Variants in PHLDB2 observed in about 807,000 individuals in gnomAD.
The protein encoded by PHLDB2 is pleckstrin homology like domain family B member 2.
Under a neutral mutation model 123.6 loss-of-function variants are expected in PHLDB2, and 71 were observed. The ratio of observed to expected loss-of-function variants is 0.57; its 90% CI spans 0.47 to 0.70. PHLDB2 has a LOEUF of 0.70. Among genes scored for constraint, PHLDB2 ranks in the 30% least tolerant of loss-of-function variants. The pLI, the probability that PHLDB2 is intolerant of heterozygous loss-of-function variation, is 0.00. For missense variants in PHLDB2, 1,446 were observed against 1,519.5 expected (o/e 0.95, Z 0.80); for synonymous variants, 547 against 541.6 (o/e 1.01, Z -0.14).
chr3:111,831,556 C>T (rs1327355494), intron 1 of PHLDB2, among the ~76,000 whole-genome samples: 2 of 151,988 alleles, frequency 1.3e-5, no homozygotes, highest in Non-Finnish European at 2.9e-5. Context: ...ACTATAATAC[C>T]CCATGTGGGA....
chr3:111,964,282 T>A (rs1403293654), intron 13 of PHLDB2, among the ~76,000 whole-genome samples: 2 of 133,026 alleles, frequency 1.5e-5, no homozygotes, highest in African/African-American at 6.2e-5. Context: ...CAAATGTGTC[T>A]CACCACACAC....
At chr3:111,842,137 C>G (rs186342574) in intron 1 of PHLDB2, among the ~76,000 whole-genome samples, 2 of 152,362 alleles carry the variant, frequency 1.3e-5, no homozygotes, top group Admixed American at 1.3e-4. Flanking sequence ...AGGTAAAACA[C>G]TTAGCACAGT....
intron 1 of PHLDB2, among the ~76,000 whole-genome samples, chr3:111,811,859 G>C (rs1258983522): frequency 6.6e-6 from 1 of 151,980 alleles, no homozygotes; most frequent in Non-Finnish European, 1.5e-5. Context: ...GTCCAGGAGA[G>C]AGAAAGAGAT....
intron 2 of PHLDB2, among the ~76,000 whole-genome samples, chr3:111,899,340 G>A (rs1384190408): frequency 1.3e-5 from 2 of 152,166 alleles, no homozygotes; most frequent in East Asian, 1.9e-4. Context: ...GTAAACATAT[G>A]CCATGATGGT....
chr3:111,803,241 A>G (rs919608619), intron 1 of PHLDB2, among the ~76,000 whole-genome samples: 13 of 152,202 alleles, frequency 8.5e-5, no homozygotes, highest in African/African-American at 2.9e-4. Context: ...CAGCTAGCCA[A>G]AACTTATGTG....
intron 1 of PHLDB2, among the ~76,000 whole-genome samples, chr3:111,737,645 G>A (rs1361798548): frequency 6.6e-6 from 1 of 151,952 alleles, no homozygotes; most frequent in African/African-American, 2.4e-5. Flanking sequence ...CAAACAGTTT[G>A]AATGTGCAAT....
At chr3:111,953,708 G>A (rs1345972057) in intron 11 of PHLDB2, 2 of 423,030 alleles carry the variant, frequency 4.7e-6, no homozygotes, top group Non-Finnish European at 8.6e-6. Flanking sequence ...TTTTGGAATT[G>A]CTGCTGTTGG....
chr3:111,890,150 C>T (rs759840669), intron 2 of PHLDB2, among the ~76,000 whole-genome samples: 166 of 152,344 alleles, frequency 1.1e-3, no homozygotes, highest in African/African-American at 3.9e-3. Flanking sequence ...GATTCCGATT[C>T]TACCTGTCAA....
intron 1 of PHLDB2, among the ~76,000 whole-genome samples, chr3:111,734,610 G>A (rs567373605): frequency 4.6e-4 from 70 of 152,222 alleles, no homozygotes; most frequent in Non-Finnish European, 9.0e-4. Context: ...GTAAGTAGAG[G>A]GAGACTATTC....
chr3:111,870,497 G>A (rs755374480), intron 1 of PHLDB2, among the ~76,000 whole-genome samples: 3 of 152,156 alleles, frequency 2.0e-5, no homozygotes, highest in Admixed American at 1.3e-4. Flanking sequence ...TTGCTAGGAA[G>A]TGGTTGTTTC....
At chr3:111,947,405 G>T (rs1003332952) in intron 9 of PHLDB2, among the ~76,000 whole-genome samples, 2 of 152,098 alleles carry the variant, frequency 1.3e-5, no homozygotes, top group African/African-American at 4.8e-5. Context: ...TCACTTTCCT[G>T]TACAAAGCAG....
chr3:111,850,608 A>T (rs1190228922), intron 2 of PHLDB2, among the ~76,000 whole-genome samples: 5 of 152,110 alleles, frequency 3.3e-5, no homozygotes, highest in Admixed American at 2.6e-4. Flanking sequence ...TCTACAAAAA[A>T]ATTTTAAAAT....
chr3:111,856,450 ACT>A (rs1486820102), upstream of PHLDB2, among the ~76,000 whole-genome samples: 3 of 152,258 alleles, frequency 2.0e-5, no homozygotes, highest in African/African-American at 7.2e-5. Flanking sequence ...ACAAACAGTA[ACT>A]CTCACCGCAT....
At chr3:111,958,774 A>G (rs1186732242) in intron 12 of PHLDB2, 4 of 452,112 alleles carry the variant, frequency 8.8e-6, no homozygotes, top group Non-Finnish European at 1.8e-5. Context: ...TTCTTGCTAC[A>G]TAATTAAAAA....
intron 11 of PHLDB2, 40 bp downstream of exon 11, chr3:111,952,752 G>A: frequency 6.3e-7 from 1 of 1,591,282 alleles, no homozygotes; most frequent in South Asian, 1.2e-5. Context: ...CATTCCATGA[G>A]TCTTCTTGTC....
chr3:111,750,385 T>A (rs968749665), intron 1 of PHLDB2, among the ~76,000 whole-genome samples: 6 of 152,100 alleles, frequency 3.9e-5, no homozygotes, highest in Non-Finnish European at 8.8e-5. Context: ...AATTAAAGAT[T>A]TAAATAAAAG....
chr3:111,908,872 T>C (rs2067705415), intron 2 of PHLDB2, among the ~76,000 whole-genome samples: 1 of 70,226 alleles, frequency 1.4e-5, no homozygotes, highest in Non-Finnish European at 3.2e-5. Flanking sequence ...GCATACCTGC[T>C]GTCAGCACCA....
intron 2 of PHLDB2, among the ~76,000 whole-genome samples, chr3:111,850,360 G>T (rs1230461784): frequency 1.3e-5 from 2 of 152,124 alleles, no homozygotes; most frequent in Non-Finnish European, 2.9e-5. Flanking sequence ...TACACTACTT[G>T]CATGATGGGT....
At chr3:111,974,387 T>G in intron 17 of PHLDB2, 36 bp from the exon 18 acceptor site, 4 of 1,535,718 alleles carry the variant, frequency 2.6e-6, no homozygotes, top group Non-Finnish European at 3.5e-6. Context: ...TTTTAAGATG[T>G]TTATTTTACA....
Sources: allele counts gnomAD v4.1 joint callset (sites outside exome capture counted in the v4.1 genomes callset), GRCh38; gene constraint gnomAD v4.1.1; transcripts MANE v1.5; gene names NCBI Gene and HGNC (gene_info 2026-07-23, HGNC 2026-07-21).